SLC25A47: variants seen among roughly 807,000 people sequenced by gnomAD.
SLC25A47 encodes the protein HCC-down-regulated mitochondrial carrier protein.
Under a neutral mutation model 29.8 loss-of-function variants are expected in SLC25A47, and 30 were observed. That is an observed-to-expected ratio of 1.01 (90% CI 0.75 to 1.36). The LOEUF (loss-of-function observed/expected upper bound fraction) is 1.36. Among genes scored for constraint, SLC25A47 ranks in the 40% most tolerant of loss-of-function variants. The pLI is 0.00. For missense variants in SLC25A47, 430 were observed against 441.9 expected (o/e 0.97, Z 0.24); for synonymous variants, 204 against 197.8 (o/e 1.03, Z -0.26).
chr14:100,323,452 A>C lies in SLC25A47; in HGVS notation c.28+10A>C. ...GCTGGAGCCATCGGAGGTAACAGAC[A>C]GGATGGTGGGCTGTGCAGACACTGC... On this transcript the variant is annotated intron_variant, in intron 1 of 5. Coordinates refer to ENST00000361529, the MANE Select transcript of SLC25A47 (RefSeq NM_207117.4). 1 of 1,613,718 alleles carries C rather than the reference A, an allele frequency of 6.2e-7. No individual in the cohort carries two copies. The highest frequency in any genetic ancestry group is 8.5e-7 in the Non-Finnish European group (1 of 1,179,816).
rs370414347 is a variant in SLC25A47 at position 100,325,923 on chromosome 14, C to T, written c.72+92C>T. ...TCTAGAATGCTAAACAGACCCACCC[C>T]TTTCCTACCCAAATGCCTTCAATGG... On this transcript the variant is annotated intron_variant, in intron 2 of 5. Coordinates refer to ENST00000361529, the MANE Select transcript of SLC25A47 (RefSeq NM_207117.4). 19 of 1,395,714 alleles carry T rather than the reference C, an allele frequency of 1.4e-5. No individual in the cohort carries two copies. In the Admixed American group the frequency reaches 3.0e-4, roughly 22 times the overall value. 86.5% of individuals were successfully genotyped at this position (1,395,714 alleles called of 1,614,324 possible). A position where few individuals can be genotyped will look rare whatever the true frequency, so the allele number is the denominator to read the frequency against.
intron 5 of SLC25A47, 63 bp downstream of exon 5, chr14:100,329,107 G>A (rs1297446971): frequency 6.5e-7 from 1 of 1,541,910 alleles, no homozygotes; most frequent in Admixed American, 2.0e-5. Context: ...TCAAGGTGAG[G>A]TCGTGCTGCC....
chr14:100,329,265 C>A, intron 5 of SLC25A47, 100 bp from the exon 6 acceptor site: 4 of 1,415,930 alleles, frequency 2.8e-6, no homozygotes, highest in African/African-American at 1.4e-5. Flanking sequence ...CTCTCCCAAG[C>A]CTGTTGCAAA....
chr14:100,327,191 TG>T lies in SLC25A47; in HGVS notation c.152del (p.Gly51AlafsTer62). 6.2e-7 allele frequency: 1 copy of T among 1,603,652 alleles called. No homozygotes were observed. Among genetic ancestry groups the T allele is most frequent in the East Asian group, 2.2e-5 (1 of 44,830 alleles). ...TGACCTGGATCCTGTCTGCTAGGTG[TG>T]GGGCTTCTACCGGGGCCTCTCGCTG... ...VRDTYHRERV[W>X]GFYRGLSLPV... On this transcript the variant is annotated frameshift_variant, in exon 4 of 6. Coordinates refer to ENST00000361529, the MANE Select transcript of SLC25A47 (RefSeq NM_207117.4). LOFTEE classifies it high-confidence loss of function.
Position 100,325,793 on chromosome 14 carries a change from T to G in SLC25A47, c.34T>G (p.Cys12Gly), listed in dbSNP as rs1195934807. ...GGCCTCTTCTTTCCTTGCAGGCGTC[T>G]GCGGTGTTGCTGTGGGCTACCCCCT... is the stretch of plus-strand genomic sequence containing the variant. ...DFVAGAIGGV[C>G]GVAVGYPLDT... is the part of the protein sequence containing the mutation. The change falls in exon 2 of 6, where the codon TGC becomes GGC. Residue 12 changes from cysteine to glycine, a missense_variant. Physicochemically the swap from Cys to Gly is radical, Grantham distance 159 (BLOSUM62 -3). Transcript: ENST00000361529. 6.2e-7 allele frequency: 1 copy of G among 1,612,754 alleles called. No homozygotes were observed. The highest frequency in any genetic ancestry group is 1.7e-5 in the Admixed American group (1 of 59,914).
intron 3 of SLC25A47, among the ~76,000 whole-genome samples, chr14:100,326,702 G>A (rs556272595): frequency 2.6e-5 from 4 of 152,280 alleles, no homozygotes; most frequent in South Asian, 2.1e-4. Flanking sequence ...GGCCAGGAGC[G>A]GTGGCTTACG....
At chr14:100,325,166 T>C (rs1170733661) in intron 1 of SLC25A47, among the ~76,000 whole-genome samples, 5 of 152,142 alleles carry the variant, frequency 3.3e-5, no homozygotes, top group African/African-American at 7.2e-5. Context: ...TGCTGGGGCT[T>C]GGATGTTGAG....
At position 100,330,333 on chromosome 14, in the gene SLC25A47, ACT is replaced by A. The variant is rs1281651359; in HGVS notation, c.*691_*692del. ...CACCTGCCACTTAAAGACCCCAAAG[ACT>A]CTGTTGGGAACTGTTGTCAATAAAA... is the stretch of plus-strand genomic sequence containing the variant. On this transcript the variant is annotated 3_prime_UTR_variant, in exon 6 of 6. Coordinates refer to ENST00000361529, the MANE Select transcript of SLC25A47 (RefSeq NM_207117.4). 2 of 152,664 alleles carry A rather than the reference ACT, an allele frequency of 1.3e-5. No homozygotes were observed. Among genetic ancestry groups the A allele is most frequent in the Non-Finnish European group, 2.9e-5 (2 of 68,564 alleles). The allele number at this position is 152,664 out of a possible 1,614,324, so 9.5% of individuals were successfully genotyped here.
intron 1 of SLC25A47, among the ~76,000 whole-genome samples, chr14:100,325,027 G>A (rs771352352): frequency 6.6e-6 from 1 of 152,134 alleles, no homozygotes; most frequent in African/African-American, 2.4e-5. Context: ...ACTGAGTCCT[G>A]GGCTACAGTG....
rs760712483 is a variant in SLC25A47 at position 100,328,889 on chromosome 14, A to T, written c.491A>T (p.His164Leu). The T allele has an allele frequency of 6.2e-7, 1 of 1,611,622 alleles. No individual in the cohort carries two copies. The change falls in exon 5 of 6, where the codon CAC becomes CTC. Residue 164 changes from histidine (H) to leucine (L), a missense_variant. By Grantham distance (99) the His-to-Leu change is moderately conservative (BLOSUM62 -3). Transcript: ENST00000361529. ...CPEPKYRGPL[H>L]CLATVAREEG... ...GAGCCCAAGTACCGCGGGCCACTGC[A>T]CTGCCTGGCCACGGTAGCCCGTGAG...
chr14:100,326,014 TA>T, intron 2 of SLC25A47, 142 bp from the exon 3 acceptor site: 1 of 965,570 alleles, frequency 1.0e-6, no homozygotes, highest in Non-Finnish European at 1.6e-6. Context: ...GTTTCTCGTC[TA>T]ACACAAGGCT....
chr14:100,329,181 T>C, intron 5 of SLC25A47, 137 bp downstream of exon 5: 1 of 1,215,882 alleles, frequency 8.2e-7, no homozygotes, highest in Non-Finnish European at 1.1e-6. Context: ...TCCTCAGTTC[T>C]CCCAACACCA....
intron 1 of SLC25A47, among the ~76,000 whole-genome samples, chr14:100,325,073 A>G (rs1477481099): frequency 6.6e-6 from 1 of 152,116 alleles, no homozygotes; most frequent in Non-Finnish European, 1.5e-5. Context: ...ATTTTCTTCC[A>G]TTGGCCTTTA....
chr14:100,329,069 G>A lies in SLC25A47; in HGVS notation c.646+25G>A, dbSNP rs1428645128. 26 of 1,593,460 alleles carry A rather than the reference G, an allele frequency of 1.6e-5. 1 individual carries two copies. In the Admixed American group the frequency reaches 4.1e-4, roughly 25 times the overall value. On this transcript the variant is annotated intron_variant, in intron 5 of 5. Coordinates refer to ENST00000361529, the MANE Select transcript of SLC25A47 (RefSeq NM_207117.4). ...GGTGAGCAGGGGCTGGAACCTGGCA[G>A]GGCGGGGAGCCCAGAAGGATGAGGA...
Position 100,327,296 on chromosome 14 carries a change from C to T in SLC25A47, c.253C>T (p.Arg85Trp), listed in dbSNP as rs142338795. ...CTGCCTGGCGCACATCTGCCGGCTC[C>T]GGTACGGCAACCCTGACGCCAAGCC... ...RHCLAHICRL[R>W]YGNPDAKPTK... Residue 85 changes from arginine (R) to tryptophan (W), a missense_variant, in exon 4 of 6, where the codon CGG (arginine) becomes TGG (tryptophan). Physicochemically the swap from Arg to Trp is moderately radical, Grantham distance 101. Coordinates refer to ENST00000361529, the MANE Select transcript of SLC25A47 (RefSeq NM_207117.4). 117 of 1,605,116 alleles carry T rather than the reference C, an allele frequency of 7.3e-5. No individual in the cohort carries two copies. The highest frequency in any genetic ancestry group is 8.7e-5 in the Non-Finnish European group (103 of 1,179,924).
At chr14:100,325,492 G>A (rs767462671) in intron 1 of SLC25A47, among the ~76,000 whole-genome samples, 2 of 152,244 alleles carry the variant, frequency 1.3e-5, no homozygotes, top group Non-Finnish European at 2.9e-5. Flanking sequence ...GGAGGCCGGG[G>A]CATGTCGGCA....
intron 2 of SLC25A47, 131 bp from the exon 3 acceptor site, chr14:100,326,026 C>T: frequency 1.0e-6 from 1 of 971,066 alleles, no homozygotes; most frequent in Non-Finnish European, 1.6e-6. Flanking sequence ...ACACAAGGCT[C>T]CCTGTCCCTG....
chr14:100,327,146 C>G (rs1230023871), intron 3 of SLC25A47, 42 bp from the exon 4 acceptor site: 2 of 1,546,436 alleles, frequency 1.3e-6, no homozygotes, highest in South Asian at 2.4e-5. Flanking sequence ...GTGGCTCCTC[C>G]TCCTGGCGGG....
In SLC25A47 at chr14:100,329,798, T is replaced by A; in HGVS notation, c.*153T>A. 9.3e-7 allele frequency: 1 copy of A among 1,080,612 alleles called. No homozygotes were observed. The highest frequency in any genetic ancestry group is 1.3e-6 in the Non-Finnish European group (1 of 768,990). The allele number at this position is 1,080,612 out of a possible 1,614,324, so 66.9% of individuals were successfully genotyped here. A position where few individuals can be genotyped will look rare whatever the true frequency, so the allele number is the denominator to read the frequency against. ...CCCTGCAGTGTTGTCGGCCGAGGCC[T>A]GAGCTCGCCCTGCCCAGCTACTGAC... On this transcript the variant is annotated 3_prime_UTR_variant, in exon 6 of 6. Transcript: ENST00000361529.
Sources: gnomAD v4.1 joint callset for allele counts (sites outside exome capture counted in the v4.1 genomes callset) on GRCh38, gnomAD v4.1.1 for gene constraint, MANE v1.5 for transcripts, NCBI Gene and HGNC (gene_info 2026-07-23, HGNC 2026-07-21) for gene names.